BCAS4: variants seen among roughly 807,000 people sequenced by gnomAD.
The protein encoded by BCAS4 is breast carcinoma amplified sequence 4.
Under a neutral mutation model 15.7 loss-of-function variants are expected in BCAS4, and 9 were observed. The ratio of observed to expected loss-of-function variants is 0.57; its 90% CI spans 0.34 to 1.00. The LOEUF (loss-of-function observed/expected upper bound fraction) is 1.00, where lower values mean the gene tolerates loss of function less well. BCAS4 is among the 50% of genes least tolerant of loss of function. The pLI, the probability that BCAS4 is intolerant of heterozygous loss-of-function variation, is 0.02. For missense variants in BCAS4, 225 were observed against 239.1 expected (o/e 0.94, Z 0.39); for synonymous variants, 101 against 99.5 (o/e 1.02, Z -0.09).
intron 1 of BCAS4, 78 bp downstream of exon 1, chr20:50,795,251 G>A: frequency 8.2e-7 from 1 of 1,226,412 alleles, no homozygotes; most frequent in Non-Finnish European, 1.0e-6. Context: ...CGGCTTCCCC[G>A]GAGCATCCTC....
downstream of BCAS4, chr20:50,877,889 A>C (rs1055762062): frequency 2.0e-5 from 3 of 152,084 alleles, no homozygotes; most frequent in African/African-American, 7.2e-5. Context: ...ATGAGACCAT[A>C]TCTCTACCAA....
intron 1 of BCAS4, among the ~76,000 whole-genome samples, chr20:50,808,017 C>T (rs2088014877): frequency 6.6e-6 from 1 of 151,484 alleles, no homozygotes; most frequent in Non-Finnish European, 1.5e-5. Flanking sequence ...ACGCGATTCT[C>T]CTGCCTCAGC....
intron 4 of BCAS4, among the ~76,000 whole-genome samples, chr20:50,845,276 G>T (rs6091222): frequency 6.6e-6 from 1 of 151,970 alleles, no homozygotes; most frequent in African/African-American, 2.4e-5. Flanking sequence ...CTCCCTGACC[G>T]CCGGACCTGC....
chr20:50,871,675 G>T (rs117993786), intron 4 of BCAS4, among the ~76,000 whole-genome samples: 3,798 of 152,318 alleles, frequency 0.025, 69 homozygotes, highest in Middle Eastern at 0.044. Flanking sequence ...CTGTCTTGCC[G>T]CGTCTTCTAA....
At chr20:50,873,264 C>T (rs967274721) in intron 4 of BCAS4, among the ~76,000 whole-genome samples, 2 of 152,188 alleles carry the variant, frequency 1.3e-5, no homozygotes, top group African/African-American at 4.8e-5. Flanking sequence ...AAACTCCATC[C>T]CTCTGCACAG....
In BCAS4 at chr20:50,850,457, T is replaced by G. The variant is rs147876065; in HGVS notation, c.399+8557T>G. On this transcript the variant is annotated intron_variant, in intron 4 of 4. Transcript: ENST00000371608. Reference sequence around the variant, plus strand: ...AACTTCAACTGCCAAGGCTGCAAACTCGAGATCTTTGGGCTAGTTCTGCCT... The same window carrying G: ...AACTTCAACTGCCAAGGCTGCAAACGCGAGATCTTTGGGCTAGTTCTGCCT... 2.6e-5 allele frequency among the ~76,000 whole-genome samples: 4 copies of G among 152,304 alleles called. No homozygotes were observed. The East Asian group carries it at 7.7e-4, about 29-fold the overall frequency.
intron 2 of BCAS4, among the ~76,000 whole-genome samples, chr20:50,822,124 TGGGCTGGTTG>T (rs923573655): frequency 6.6e-5 from 10 of 152,114 alleles, no homozygotes; most frequent in East Asian, 1.9e-4. Flanking sequence ...GTACCTGGGC[TGGGCTGGTTG>T]GGGCTGGTTG....
chr20:50,829,336 G>A (rs1033714946), intron 2 of BCAS4, among the ~76,000 whole-genome samples: 2 of 151,996 alleles, frequency 1.3e-5, no homozygotes, highest in Non-Finnish European at 1.5e-5. Flanking sequence ...TCCGCCTCCC[G>A]GGTTCAAGCG....
chr20:50,804,129 C>T (rs1016476057), intron 1 of BCAS4, among the ~76,000 whole-genome samples: 1 of 152,132 alleles, frequency 6.6e-6, no homozygotes, highest in African/African-American at 2.4e-5. Context: ...ACCTCTGCCT[C>T]CCGGGTTCAA....
intron 1 of BCAS4, among the ~76,000 whole-genome samples, chr20:50,797,563 A>G (rs950769272): frequency 3.3e-5 from 5 of 152,218 alleles, no homozygotes; most frequent in African/African-American, 1.2e-4. Flanking sequence ...AAAATTAAAA[A>G]TAACACGAAC....
chr20:50,808,201 C>T (rs893582598), intron 1 of BCAS4, among the ~76,000 whole-genome samples: 3 of 152,168 alleles, frequency 2.0e-5, no homozygotes, highest in East Asian at 1.9e-4. Context: ...CGTGAGCCAC[C>T]GCGCCCGGCT....
rs1978413019 is a variant in BCAS4 at position 50,851,402 on chromosome 20, G to A, written c.399+9502G>A. ...GACCTCCCGGGTTCGTTTCCTTCAAGGTCTTTGGTGGAGTGCTATAGGGGG... is the reference window on the plus strand; with the variant it reads ...GACCTCCCGGGTTCGTTTCCTTCAAAGTCTTTGGTGGAGTGCTATAGGGGG... On this transcript the variant is annotated intron_variant, in intron 4 of 4. Transcript: ENST00000371608. This position sits in a 1 kb window ranked among gnomAD's most constrained non-coding sequence, Gnocchi z 4.3. Among the ~76,000 whole-genome samples the A allele has an allele frequency of 6.6e-6, 1 of 152,158 alleles. No homozygotes were observed. The highest frequency in any genetic ancestry group is 1.5e-5 in the Non-Finnish European group (1 of 68,030).
At position 50,851,765 on chromosome 20, in the gene BCAS4, C is replaced by T. The variant is rs909445624; in HGVS notation, c.399+9865C>T. On this transcript the variant is annotated intron_variant, in intron 4 of 4. Transcript: ENST00000371608. The surrounding 1 kb of genome is among the most constrained non-coding windows in gnomAD (Gnocchi z 4.3). ...GTTCCCCTCCCTGGAAAACCCTTCC[C>T]GCTCCCCACCTGGCAATGTTCATTA... Among the ~76,000 whole-genome samples the T allele has an allele frequency of 7.2e-5, 11 of 152,164 alleles. No individual in the cohort carries two copies. The East Asian group carries it at 1.2e-3, about 16-fold the overall frequency.
At chr20:50,824,730 A>G (rs1370575009) in intron 2 of BCAS4, among the ~76,000 whole-genome samples, 1 of 152,158 alleles carries the variant, frequency 6.6e-6, no homozygotes, top group Non-Finnish European at 1.5e-5. Flanking sequence ...ACTGGGGTTA[A>G]CAAAAGTGGC....
At chr20:50,832,551 C>G (rs1210607999) in intron 3 of BCAS4, among the ~76,000 whole-genome samples, 3 of 152,192 alleles carry the variant, frequency 2.0e-5, no homozygotes, top group Non-Finnish European at 2.9e-5. Flanking sequence ...AGCCACCACA[C>G]TCATCCACAA....
rs141387746 is a variant in BCAS4, at chr20:50,805,056, T to TTG, written c.90+9899_90+9900dup. Among the ~76,000 whole-genome samples, 1,265 of 151,724 alleles carry TTG rather than the reference T, an allele frequency of 8.3e-3. 17 individuals carry two copies. The highest frequency in any genetic ancestry group is 0.029 in the African/African-American group (1,183 of 41,392). ...TTGCTATGCTAAGATTCTTCAGTAT[T>TTG]TGTGTGTGTGTGTGTGTATTTGTTT... On this transcript the variant is annotated intron_variant, in intron 1 of 4. Transcript: ENST00000371608.
At chr20:50,845,035 C>T (rs1177099290) in intron 4 of BCAS4, among the ~76,000 whole-genome samples, 2 of 152,044 alleles carry the variant, frequency 1.3e-5, no homozygotes, top group Non-Finnish European at 2.9e-5. Flanking sequence ...GCTGGAGGGG[C>T]CCTTGCAGAA....
At chr20:50,830,258 G>A in intron 2 of BCAS4, 21 bp from the exon 3 acceptor site, 1 of 1,598,860 alleles carries the variant, frequency 6.3e-7, no homozygotes. Context: ...AAGGCCTGAT[G>A]AGCTGTTTTG....
At chr20:50,797,302 G>T (rs1476478920) in intron 1 of BCAS4, among the ~76,000 whole-genome samples, 4 of 152,200 alleles carry the variant, frequency 2.6e-5, no homozygotes, top group Non-Finnish European at 5.9e-5. Flanking sequence ...TTAGATAGTT[G>T]TGTTGGTTGC....
Sources: allele counts gnomAD v4.1 joint callset (sites outside exome capture counted in the v4.1 genomes callset), GRCh38; gene constraint gnomAD v4.1.1; non-coding constraint Gnocchi (gnomAD v3.1); transcripts MANE v1.5; gene names NCBI Gene and HGNC (gene_info 2026-07-23, HGNC 2026-07-21).